PLEKHM3: variants seen among roughly 807,000 people sequenced by gnomAD.
The protein encoded by PLEKHM3 is pleckstrin homology domain containing M3, also known as pleckstrin homology domain-containing family M member 3.
Under a neutral mutation model 81.8 loss-of-function variants are expected in PLEKHM3, and 45 were observed. That is an observed-to-expected ratio of 0.55 (90% CI 0.43 to 0.71). PLEKHM3 has a LOEUF of 0.71. Among genes scored for constraint, PLEKHM3 ranks in the 30% least tolerant of loss-of-function variants. PLEKHM3 has a pLI of 0.00. For synonymous variants in PLEKHM3, 352 were observed against 356.4 expected (o/e 0.99, Z 0.14); for missense variants, 788 against 924.3 (o/e 0.85, Z 1.91).
intron 3 of PLEKHM3, among the ~76,000 whole-genome samples, chr2:207,970,950 C>A (rs1691099256): frequency 6.6e-6 from 1 of 152,226 alleles, no homozygotes. Context: ...AGGAGTAAAA[C>A]CATAAAATCT....
intron 7 of PLEKHM3, among the ~76,000 whole-genome samples, chr2:207,858,692 G>A (rs1397581575): frequency 6.6e-6 from 1 of 151,982 alleles, no homozygotes; most frequent in East Asian, 1.9e-4. Flanking sequence ...TGTTGGTCAG[G>A]CTGGTCTCAA....
chr2:208,007,908 C>G (rs965222881), intron 1 of PLEKHM3, among the ~76,000 whole-genome samples: 6 of 152,114 alleles, frequency 3.9e-5, no homozygotes, highest in South Asian at 4.1e-4. Flanking sequence ...AAAAAATTAG[C>G]TGAGCATGGT....
At chr2:207,868,582 C>G (rs1267414033) in intron 6 of PLEKHM3, 1 of 152,186 alleles carries the variant, frequency 6.6e-6, no homozygotes, top group Non-Finnish European at 1.5e-5. Context: ...ATCCACTTTG[C>G]AGGGTTGAGA....
intron 6 of PLEKHM3, among the ~76,000 whole-genome samples, chr2:207,898,678 A>C (rs1422559336): frequency 6.6e-6 from 1 of 152,104 alleles, no homozygotes; most frequent in African/African-American, 2.4e-5. Context: ...GGATTGCTTG[A>C]GTCCAGGAAT....
chr2:207,874,494 A>G (rs1203972213), intron 6 of PLEKHM3, among the ~76,000 whole-genome samples: 2 of 152,000 alleles, frequency 1.3e-5, no homozygotes, highest in Admixed American at 6.5e-5. Flanking sequence ...GAATTGCTTG[A>G]ACCTGGGAGG....
chr2:207,844,714 AACC>A (rs1240658944), intron 7 of PLEKHM3, among the ~76,000 whole-genome samples: 1 of 152,122 alleles, frequency 6.6e-6, no homozygotes, highest in African/African-American at 2.4e-5. Context: ...ACTACACATC[AACC>A]ACCACAAGTG....
chr2:207,863,351 G>T (rs2092478070), intron 6 of PLEKHM3, among the ~76,000 whole-genome samples: 1 of 152,220 alleles, frequency 6.6e-6, no homozygotes, highest in South Asian at 2.1e-4. Context: ...TGCAGGCCGA[G>T]GCCCTTCTGG....
chr2:207,924,858 G>T (rs1369596350), intron 5 of PLEKHM3, among the ~76,000 whole-genome samples: 1 of 152,158 alleles, frequency 6.6e-6, no homozygotes, highest in Non-Finnish European at 1.5e-5. Flanking sequence ...TAGGGAGCTG[G>T]AGGATGTGGA....
intron 7 of PLEKHM3, among the ~76,000 whole-genome samples, chr2:207,856,777 C>T (rs2092439634): frequency 1.3e-5 from 2 of 152,196 alleles, no homozygotes; most frequent in African/African-American, 2.4e-5. Context: ...CATCCATATG[C>T]GTGCTTTTGT....
At chr2:207,981,749 CCATAT>C (rs2106044352) in intron 2 of PLEKHM3, among the ~76,000 whole-genome samples, 1 of 152,228 alleles carries the variant, frequency 6.6e-6, no homozygotes, top group Non-Finnish European at 1.5e-5. Context: ...TTTCTCTGGG[CCATAT>C]CATATCAACT....
intron 2 of PLEKHM3, among the ~76,000 whole-genome samples, chr2:207,986,747 G>A (rs773315019): frequency 8.6e-5 from 13 of 150,792 alleles, no homozygotes; most frequent in South Asian, 6.3e-4. Flanking sequence ...CATGGCTCAC[G>A]GCAGCATCAA....
intron 3 of PLEKHM3, among the ~76,000 whole-genome samples, chr2:207,956,544 AT>A (rs200958230): frequency 8.1e-4 from 120 of 148,484 alleles, no homozygotes; most frequent in Non-Finnish European, 1.3e-3. Flanking sequence ...TAAAAAAAAA[AT>A]TTTTTTTTTT....
chr2:207,919,902 C>T (rs551578088), intron 5 of PLEKHM3, among the ~76,000 whole-genome samples: 13 of 151,990 alleles, frequency 8.6e-5, no homozygotes, highest in Non-Finnish European at 1.8e-4. Flanking sequence ...GCAGAGTAAG[C>T]TGCTAAATTT....
At chr2:207,940,699 G>A (rs1052097173) in intron 4 of PLEKHM3, among the ~76,000 whole-genome samples, 2 of 152,204 alleles carry the variant, frequency 1.3e-5, no homozygotes, top group Admixed American at 6.5e-5. Flanking sequence ...CACATGACAC[G>A]ATGGTGGCAC....
At chr2:207,880,783 A>AAAAAAAAAAAAAAAAAAAAAAAAAAT (rs1559219094) in intron 6 of PLEKHM3, among the ~76,000 whole-genome samples, 1 of 138,986 alleles carries the variant, frequency 7.2e-6, no homozygotes, top group Non-Finnish European at 1.5e-5. Flanking sequence ...AAAAAAAAAA[A>AAAAAAAAAAAAAAAAAAAAAAAAAAT]AAAAACCAAA....
chr2:208,013,481 A>G (rs1464975254), intron 1 of PLEKHM3, among the ~76,000 whole-genome samples: 5 of 151,180 alleles, frequency 3.3e-5, no homozygotes, highest in East Asian at 3.9e-4. Context: ...ACACCACTGC[A>G]CTCCCGCCTG....
intron 7 of PLEKHM3, among the ~76,000 whole-genome samples, chr2:207,832,819 A>C (rs980539725): frequency 6.0e-5 from 9 of 149,638 alleles, no homozygotes; most frequent in Non-Finnish European, 1.2e-4. Context: ...CCAGAAAAAA[A>C]AGATTCATTG....
rs1439546094 is a variant in PLEKHM3, at chr2:207,865,411, A to G, written c.1951-4149T>C. 2.6e-5 allele frequency among the ~76,000 whole-genome samples: 4 copies of G among 152,240 alleles called. No individual in the cohort carries two copies. The East Asian group carries it at 7.7e-4, about 29-fold the overall frequency. On this transcript the variant is annotated intron_variant, in intron 6 of 7. Transcript: ENST00000427836. The stretch of plus-strand genomic sequence containing the variant: ...TTTAGGGCATTCCACTAACCCTCTG[A>G]AAAAACTCTATATCCATTAGTAGTC...
intron 3 of PLEKHM3, among the ~76,000 whole-genome samples, chr2:207,962,631 G>A (rs943132246): frequency 4.6e-5 from 7 of 152,336 alleles, no homozygotes; most frequent in Admixed American, 3.9e-4. Context: ...GGCATCTGAA[G>A]TGGGAGCAGT....
Sources: allele counts gnomAD v4.1 joint callset (sites outside exome capture counted in the v4.1 genomes callset), GRCh38; gene constraint gnomAD v4.1.1; transcripts MANE v1.5; gene names NCBI Gene and HGNC (gene_info 2026-07-23, HGNC 2026-07-21).